The following TBC1D32 variants were observed in gnomAD, a reference collection of about 807,000 sequenced individuals.
The protein encoded by TBC1D32 is TBC1 domain family member 32.
A neutral mutation model predicts 170.3 loss-of-function variants in TBC1D32; 151 were observed. The ratio of observed to expected loss-of-function variants is 0.89; its 90% CI spans 0.78 to 1.01. The LOEUF (loss-of-function observed/expected upper bound fraction) is 1.01. TBC1D32 is among the 50% of genes least tolerant of loss of function. The pLI is 0.00. For missense variants in TBC1D32, 1,464 were observed against 1,457.1 expected, an observed-to-expected ratio of 1.00 and a Z score of -0.08; for synonymous variants, 498 against 488.0, an observed-to-expected ratio of 1.02 and a Z score of -0.27.
At chr6:121,084,831 AAT>A (rs1162287783) in intron 31 of TBC1D32, among the ~76,000 whole-genome samples, 1 of 152,244 alleles carries the variant, frequency 6.6e-6, no homozygotes, top group East Asian at 1.9e-4. Flanking sequence ...CTGGTTTATG[AAT>A]TCAGGACCAA....
chr6:121,100,337 T>A (rs1490135100), intron 30 of TBC1D32, among the ~76,000 whole-genome samples: 11 of 151,984 alleles, frequency 7.2e-5, no homozygotes, highest in African/African-American at 2.7e-4. Flanking sequence ...ACTTTCTGTC[T>A]CATTGATCTG....
chr6:121,142,086 A>G (rs1782860158), intron 24 of TBC1D32, among the ~76,000 whole-genome samples: 1 of 152,258 alleles, frequency 6.6e-6, no homozygotes. Flanking sequence ...TTGTCATTAA[A>G]TCTGTACTAA....
intron 15 of TBC1D32, among the ~76,000 whole-genome samples, chr6:121,269,714 G>C (rs1801085861): frequency 6.6e-6 from 1 of 152,076 alleles, no homozygotes; most frequent in African/African-American, 2.4e-5. Context: ...GAGATAGAAA[G>C]TTAACAAGGA....
intron 20 of TBC1D32, among the ~76,000 whole-genome samples, chr6:121,231,957 A>G (rs998452343): frequency 3.1e-4 from 47 of 151,860 alleles, no homozygotes; most frequent in Admixed American, 1.3e-4. Flanking sequence ...TTTTTCTTGC[A>G]TTTGCTTTTG....
At chr6:121,157,856 T>TC (rs1323524776) in intron 24 of TBC1D32, among the ~76,000 whole-genome samples, 1 of 152,172 alleles carries the variant, frequency 6.6e-6, no homozygotes, top group African/African-American at 2.4e-5. Flanking sequence ...CTTTAAGGTT[T>TC]CTGCTGAAAA....
chr6:121,080,408 G>GT lies in TBC1D32; in HGVS notation c.*362dup, dbSNP rs1437988925. 3.6e-6 allele frequency: 1 copy of GT among 276,722 alleles called. No homozygotes were observed. The highest frequency in any genetic ancestry group is 3.2e-5 in the South Asian group (1 of 31,582). 17.1% of individuals were successfully genotyped at this position (276,722 alleles called of 1,614,324 possible). On this transcript the variant is annotated 3_prime_UTR_variant, in exon 32 of 32. Transcript: ENST00000398212. ...TTTCAGTATTGTTAGCAGAGACGAGGTTTCACCATTTTGGCCAGGATGGTC... is the reference window on the plus strand; with the variant it reads ...TTTCAGTATTGTTAGCAGAGACGAGGTTTTCACCATTTTGGCCAGGATGGTC...
In TBC1D32 at chr6:121,242,284, TG is replaced by T. The variant is rs1261137439; in HGVS notation, c.2073del (p.Gly693AspfsTer15). 1 of 1,612,860 alleles carries T rather than the reference TG, an allele frequency of 6.2e-7. No individual in the cohort carries two copies. ...LDDLLHFAAT[P>X]KGLLLLQRTG... ...GTTCTTTGAAGAAGTAGTAATCCTT[TG>T]GGGGTGGCAGCAAAATGTAGTAAAT... On this transcript the variant is annotated frameshift_variant, in exon 18 of 32. Transcript: ENST00000398212. LOFTEE classifies it high-confidence loss of function.
At chr6:121,257,503 T>A (rs1799199879) in intron 15 of TBC1D32, among the ~76,000 whole-genome samples, 1 of 152,210 alleles carries the variant, frequency 6.6e-6, no homozygotes, top group African/African-American at 2.4e-5. Flanking sequence ...AGCATTTAGT[T>A]TGCATTTATT....
intron 17 of TBC1D32, among the ~76,000 whole-genome samples, chr6:121,248,381 G>C (rs1440053655): frequency 6.6e-6 from 1 of 151,764 alleles, no homozygotes; most frequent in Non-Finnish European, 1.5e-5. Context: ...AGCACAAATA[G>C]ACAACCTAAT....
rs1175136374 is a variant in TBC1D32, at chr6:121,132,212, G to GA, written c.2774-461dup. ...TTTAGTCAATCATTTATTCATCTTG[G>GA]AAAAAATATGCTGCTGAAGGGGTTA... On this transcript the variant is annotated intron_variant, in intron 24 of 31. Coordinates refer to ENST00000398212, the MANE Select transcript of TBC1D32 (RefSeq NM_152730.6). Among the ~76,000 whole-genome samples, 4 of 151,920 alleles carry GA rather than the reference G, an allele frequency of 2.6e-5. No homozygotes were observed. In the East Asian group the frequency reaches 7.7e-4, roughly 29 times the overall value.
intron 15 of TBC1D32, among the ~76,000 whole-genome samples, chr6:121,275,323 A>T (rs964220807): frequency 1.3e-5 from 2 of 152,244 alleles, no homozygotes; most frequent in Non-Finnish European, 1.5e-5. Context: ...TCTAGAGAGC[A>T]AGAAAGGAAC....
intron 20 of TBC1D32, 94 bp downstream of exon 20, chr6:121,238,976 G>A (rs1209520149): frequency 3.5e-6 from 2 of 566,780 alleles, no homozygotes; most frequent in Non-Finnish European, 6.2e-6. Context: ...TAAAAAGTCT[G>A]CTGGTTGTAA....
At chr6:121,191,961 T>G (rs1790106210) in intron 22 of TBC1D32, among the ~76,000 whole-genome samples, 1 of 151,794 alleles carries the variant, frequency 6.6e-6, no homozygotes, top group Admixed American at 6.6e-5. Context: ...GGACTCCAAG[T>G]TCTTCAGTTT....
At chr6:121,113,329 A>G (rs957263315) in intron 27 of TBC1D32, 152 bp from the exon 28 acceptor site, 44 of 508,070 alleles carry the variant, frequency 8.7e-5, no homozygotes, top group Non-Finnish European at 4.5e-5. Context: ...ATTTGGATTA[A>G]CAGTATTCAT....
chr6:121,120,617 C>T (rs1480110424), intron 26 of TBC1D32, among the ~76,000 whole-genome samples: 1 of 151,824 alleles, frequency 6.6e-6, no homozygotes, highest in African/African-American at 2.4e-5. Flanking sequence ...TCATAATTTT[C>T]TTCACAAATG....
At chr6:121,285,084 C>T (rs1260029050) in intron 12 of TBC1D32, among the ~76,000 whole-genome samples, 4 of 152,090 alleles carry the variant, frequency 2.6e-5, no homozygotes, top group Non-Finnish European at 5.9e-5. Flanking sequence ...ACGGGGTCAG[C>T]AAACTATAGC....
intron 11 of TBC1D32, 92 bp downstream of exon 11, chr6:121,294,478 C>T: frequency 2.3e-6 from 2 of 869,322 alleles, no homozygotes; most frequent in Non-Finnish European, 3.6e-6. Flanking sequence ...ACCATACTAA[C>T]AATCATTAAA....
chr6:121,183,736 C>T (rs1213357428), intron 22 of TBC1D32, among the ~76,000 whole-genome samples: 1 of 151,748 alleles, frequency 6.6e-6, no homozygotes, highest in African/African-American at 2.4e-5. Flanking sequence ...ATAAAATGGT[C>T]AAAATTTATG....
chr6:121,157,859 G>C (rs554648684), intron 24 of TBC1D32, among the ~76,000 whole-genome samples: 23 of 152,234 alleles, frequency 1.5e-4, no homozygotes, highest in Middle Eastern at 3.4e-3. Flanking sequence ...TAAGGTTTCT[G>C]CTGAAAAGTC....
Sources: allele counts gnomAD v4.1 joint callset (sites outside exome capture counted in the v4.1 genomes callset), GRCh38; gene constraint gnomAD v4.1.1; transcripts MANE v1.5; gene names NCBI Gene and HGNC (gene_info 2026-07-23, HGNC 2026-07-21).